ARHGEF38: variants seen among roughly 807,000 people sequenced by gnomAD.
ARHGEF38 encodes Rho guanine nucleotide exchange factor (GEF) 38.
A neutral mutation model predicts 79.9 loss-of-function variants in ARHGEF38; 79 were observed. The observed-to-expected ratio is 0.99, with a 90% CI of 0.82 to 1.19. The LOEUF (loss-of-function observed/expected upper bound fraction) is 1.19. Among genes scored for constraint, ARHGEF38 ranks in the 50% most tolerant of loss-of-function variants. The pLI, the probability that ARHGEF38 is intolerant of heterozygous loss-of-function variation, is 0.00. For synonymous variants in ARHGEF38, 366 were observed against 328.3 expected (o/e 1.11, Z -1.24); for missense variants, 962 against 907.2 (o/e 1.06, Z -0.78).
At chr4:105,681,264 C>T (rs1731300895), downstream of ARHGEF38, among the ~76,000 whole-genome samples, 5 of 151,012 alleles carry the variant, frequency 3.3e-5, no homozygotes, top group South Asian at 1.0e-3. Flanking sequence ...TTTAACAGAG[C>T]AGTTTAAAAT....
intron 1 of ARHGEF38, chr4:105,561,525 G>GAA (rs1725621641): frequency 6.7e-6 from 1 of 149,198 alleles, no homozygotes; most frequent in Non-Finnish European, 1.5e-5. Context: ...GAATAGAATA[G>GAA]AATAGAATAG....
chr4:105,593,858 C>T (rs1727454253), intron 2 of ARHGEF38, among the ~76,000 whole-genome samples: 1 of 152,122 alleles, frequency 6.6e-6, no homozygotes, highest in Non-Finnish European at 1.5e-5. Flanking sequence ...CCAGGTAAAA[C>T]TTTTCCATTA....
rs985497197 is a variant in ARHGEF38 at position 105,585,861 on chromosome 4, A to T, written c.197-3387A>T. 2.0e-5 allele frequency among the ~76,000 whole-genome samples: 3 copies of T among 148,752 alleles called. No homozygotes were observed. In the Admixed American group the frequency reaches 2.1e-4, roughly 10 times the overall value. ...ATTCTCCTGCCTTAGCCTCCCAAGT[A>T]GCTGGGATTACAGGCATGTGCCACC... On this transcript the variant is annotated intron_variant, in intron 1 of 13. Transcript: ENST00000420470.
At chr4:105,553,134 A>T (rs1471199959) in intron 1 of ARHGEF38, among the ~76,000 whole-genome samples, 173 bp downstream of exon 1, 1 of 152,002 alleles carries the variant, frequency 6.6e-6, no homozygotes, top group South Asian at 2.1e-4. Flanking sequence ...AGGGAAAAAA[A>T]TTTATTACGT....
At chr4:105,592,470 G>C (rs895552223) in intron 2 of ARHGEF38, among the ~76,000 whole-genome samples, 2 of 150,414 alleles carry the variant, frequency 1.3e-5, no homozygotes, top group East Asian at 3.9e-4. Flanking sequence ...TCTCTTCATC[G>C]GGCCCAAAGA....
chr4:105,675,152 G>A (rs540128986), intron 13 of ARHGEF38, among the ~76,000 whole-genome samples: 50 of 152,178 alleles, frequency 3.3e-4, no homozygotes, highest in South Asian at 1.2e-3. Flanking sequence ...GTCCCTCTCC[G>A]CAAGAATACA....
At chr4:105,647,270 C>T (rs889573272) in intron 6 of ARHGEF38, among the ~76,000 whole-genome samples, 3 of 151,944 alleles carry the variant, frequency 2.0e-5, no homozygotes, top group Admixed American at 6.6e-5. Context: ...CTCTTTTCTT[C>T]TGTCTTTCTC....
At chr4:105,586,369 G>A (rs1048832931) in intron 1 of ARHGEF38, among the ~76,000 whole-genome samples, 1 of 151,990 alleles carries the variant, frequency 6.6e-6, no homozygotes, top group Admixed American at 6.6e-5. Flanking sequence ...AATTCTCTGA[G>A]AGATTTTTAC....
intron 1 of ARHGEF38, among the ~76,000 whole-genome samples, chr4:105,557,167 A>C (rs906169370): frequency 2.0e-5 from 3 of 152,082 alleles, no homozygotes; most frequent in African/African-American, 4.8e-5. Flanking sequence ...AATATGCCTA[A>C]TTTAAATAGT....
chr4:105,633,626 C>A (rs560787686), intron 4 of ARHGEF38, among the ~76,000 whole-genome samples: 7 of 152,050 alleles, frequency 4.6e-5, no homozygotes, highest in Admixed American at 6.6e-5. Context: ...TGGCTTCATG[C>A]CTCAGAAGTT....
chr4:105,627,217 T>C (rs1345651097), intron 3 of ARHGEF38, among the ~76,000 whole-genome samples: 2 of 152,128 alleles, frequency 1.3e-5, no homozygotes, highest in African/African-American at 4.8e-5. Context: ...GGAACACAAC[T>C]GCTTCTTCCC....
At position 105,561,444 on chromosome 4, in the gene ARHGEF38, A is replaced by AGAATGGAATGGAATGGAATG. The variant is rs1310249222; in HGVS notation, c.196+8492_196+8493insGGAATGGAATGGAATGGAAT. On this transcript the variant is annotated intron_variant, in intron 1 of 13. Coordinates refer to ENST00000420470, the MANE Select transcript of ARHGEF38 (RefSeq NM_001242729.2). ...AGAATGGAATAGAATAGAATAGAAT[A>AGAATGGAATGGAATGGAATG]GAATGGAATAGAATAGAATAGAATA... The AGAATGGAATGGAATGGAATG allele has an allele frequency of 3.5e-4, 15 of 43,008 alleles. 4 individuals are homozygous for AGAATGGAATGGAATGGAATG. The highest frequency in any genetic ancestry group is 5.3e-4 in the Non-Finnish European group (12 of 22,544). The allele number at this position is 43,008 out of a possible 1,614,324, so 2.7% of individuals were successfully genotyped here. A position where few individuals can be genotyped will look rare whatever the true frequency, so the allele number is the denominator to read the frequency against.
intron 10 of ARHGEF38, among the ~76,000 whole-genome samples, chr4:105,664,645 G>T (rs1374706279): frequency 6.6e-6 from 1 of 152,190 alleles, no homozygotes; most frequent in Non-Finnish European, 1.5e-5. Context: ...ATTCAAGTTA[G>T]GCATTTGGAG....
chr4:105,636,763 T>G (rs1285854747), intron 5 of ARHGEF38, among the ~76,000 whole-genome samples: 1 of 152,106 alleles, frequency 6.6e-6, no homozygotes, highest in African/African-American at 2.4e-5. Context: ...TTAAAAAATC[T>G]CAGATTAATA....
rs1731282046 is a variant in ARHGEF38 at position 105,680,764 on chromosome 4, C to A, written c.*2827C>A. The A allele has an allele frequency of 6.7e-6, 1 of 148,554 alleles. No homozygotes were observed. The allele number at this position is 148,554 out of a possible 1,614,324, so 9.2% of individuals were successfully genotyped here. On this transcript the variant is annotated 3_prime_UTR_variant, in exon 14 of 14. Transcript: ENST00000420470. ...GCCATACTCAGTGAAAGATAAATTA[C>A]CTCCTAAACTAAAGTCCCCTCTGAG...
chr4:105,575,089 A>G (rs1431652781), intron 1 of ARHGEF38, among the ~76,000 whole-genome samples: 1 of 151,994 alleles, frequency 6.6e-6, no homozygotes, highest in African/African-American at 2.4e-5. Flanking sequence ...TTGGCTTCAT[A>G]TCTTTGCAAT....
intron 6 of ARHGEF38, 145 bp from the exon 7 acceptor site, chr4:105,648,403 TG>T: frequency 1.7e-6 from 1 of 599,722 alleles, no homozygotes; most frequent in Non-Finnish European, 2.6e-6. Flanking sequence ...ACAGTGGGGC[TG>T]GAGCATATGG....
At chr4:105,644,301 C>G (rs1729747522) in intron 5 of ARHGEF38, among the ~76,000 whole-genome samples, 2 of 152,162 alleles carry the variant, frequency 1.3e-5, no homozygotes, top group African/African-American at 4.8e-5. Context: ...AAAACATCCA[C>G]CTATTGGGAT....
intron 5 of ARHGEF38, among the ~76,000 whole-genome samples, chr4:105,644,570 T>A (rs905793943): frequency 3.3e-5 from 5 of 152,244 alleles, no homozygotes; most frequent in Non-Finnish European, 5.9e-5. Context: ...ATTTGTTGAC[T>A]AAGAATTCCA....
Sources: gnomAD v4.1 joint callset for allele counts (sites outside exome capture counted in the v4.1 genomes callset) on GRCh38, gnomAD v4.1.1 for gene constraint, MANE v1.5 for transcripts, NCBI Gene and HGNC (gene_info 2026-07-23, HGNC 2026-07-21) for gene names.